Variants in PRKN observed in about 807,000 individuals in gnomAD.
The protein encoded by PRKN is E3 ubiquitin-protein ligase parkin.
In PRKN, 56 loss-of-function variants were observed where a neutral mutation model predicts 59.5. That is an observed-to-expected ratio of 0.94 (90% CI 0.76 to 1.18). The LOEUF is 1.18. PRKN is among the 50% of genes most tolerant of loss of function. The pLI is 0.00. For missense variants in PRKN, 657 were observed against 596.4 expected, an observed-to-expected ratio of 1.10 and a Z score of -1.06; for synonymous variants, 250 against 222.1, an observed-to-expected ratio of 1.13 and a Z score of -1.12.
intron 7 of PRKN, among the ~76,000 whole-genome samples, chr6:161,665,417 G>A (rs1485738961): frequency 6.6e-6 from 1 of 152,048 alleles, no homozygotes; most frequent in African/African-American, 2.4e-5. Flanking sequence ...CATGACTATT[G>A]CATAATGGTA....
At position 161,433,445 on chromosome 6, in the gene PRKN, C is replaced by T. The variant is rs187720177; in HGVS notation, c.1084-46568G>A. 5.1e-3 allele frequency among the ~76,000 whole-genome samples: 776 copies of T among 152,148 alleles called. 8 individuals are homozygous for T. Among genetic ancestry groups the T allele is most frequent in the African/African-American group, 0.018 (737 of 41,486 alleles). Reference sequence around the variant, plus strand: ...GGAAAAAATGTTAACCTCAGAACCTCGTTTTTAATTCTAGAAATTAAAAAT... The same window carrying T: ...GGAAAAAATGTTAACCTCAGAACCTTGTTTTTAATTCTAGAAATTAAAAAT... On this transcript the variant is annotated intron_variant, in intron 9 of 11. Transcript: ENST00000366898.
chr6:162,186,751 A>G (rs894632642), intron 4 of PRKN, among the ~76,000 whole-genome samples: 4 of 152,216 alleles, frequency 2.6e-5, no homozygotes, highest in Admixed American at 2.6e-4. Context: ...TTTGTTTAAA[A>G]GTGCGTAGCA....
chr6:162,661,780 A>G (rs1778892065), intron 1 of PRKN, among the ~76,000 whole-genome samples: 1 of 152,244 alleles, frequency 6.6e-6, no homozygotes, highest in South Asian at 2.1e-4. Flanking sequence ...AGGCACAGAG[A>G]AACAGTTAAA....
chr6:161,888,078 C>G (rs9365338), intron 6 of PRKN, among the ~76,000 whole-genome samples: 1 of 151,856 alleles, frequency 6.6e-6, no homozygotes, highest in Non-Finnish European at 1.5e-5. Context: ...GCAATAATGG[C>G]CCACCTTCTA....
At position 161,409,450 on chromosome 6, in the gene PRKN, C is replaced by T. The variant is rs1400808944; in HGVS notation, c.1084-22573G>A. 6.6e-6 allele frequency among the ~76,000 whole-genome samples: 1 copy of T among 152,098 alleles called. No homozygotes were observed. Among genetic ancestry groups the T allele is most frequent in the Non-Finnish European group, 1.5e-5 (1 of 68,022 alleles). On this transcript the variant is annotated intron_variant, in intron 9 of 11. Transcript: ENST00000366898. The surrounding 1 kb of genome is among the most constrained non-coding windows in gnomAD (Gnocchi z 4.6). ...AAAACGCAGTGTGCTGACACTAATA[C>T]ATAAAATGCGGAAGGACCCAGTCTT...
At chr6:162,188,781 T>G (rs1167411519) in intron 4 of PRKN, among the ~76,000 whole-genome samples, 3 of 148,952 alleles carry the variant, frequency 2.0e-5, no homozygotes, top group African/African-American at 7.7e-5. Flanking sequence ...AGATTTCGTT[T>G]TTTTTTTTTT....
chr6:161,726,242 T>C (rs1459069236), intron 7 of PRKN, among the ~76,000 whole-genome samples: 3 of 152,232 alleles, frequency 2.0e-5, no homozygotes, highest in Non-Finnish European at 2.9e-5. Flanking sequence ...AGATGTGTCA[T>C]ATCATTCAAT....
At chr6:161,648,910 CA>C (rs1562582642) in intron 7 of PRKN, among the ~76,000 whole-genome samples, 1 of 152,120 alleles carries the variant, frequency 6.6e-6, no homozygotes, top group Non-Finnish European at 1.5e-5. Context: ...AGGAATAAAG[CA>C]ATTAATTCAG....
Position 161,817,670 on chromosome 6 carries a change from C to T in PRKN, c.735-31762G>A, listed in dbSNP as rs139686754. ...CTGAAAAGTCTTAAATGTATCAATA[C>T]TTGTCATTGCATGTGGAAAATTTTA... is the stretch of plus-strand genomic sequence containing the variant. On this transcript the variant is annotated intron_variant, in intron 6 of 11. Transcript: ENST00000366898. Among the ~76,000 whole-genome samples, 979 of 152,012 alleles carry T rather than the reference C, an allele frequency of 6.4e-3. 6 individuals carry two copies. Among genetic ancestry groups the T allele is most frequent in the Non-Finnish European group, 0.01 (697 of 68,032 alleles).
chr6:161,728,103 G>A (rs146887633), intron 7 of PRKN, among the ~76,000 whole-genome samples: 90 of 152,132 alleles, frequency 5.9e-4, no homozygotes, highest in Middle Eastern at 3.4e-3. Flanking sequence ...AAAAATTAGC[G>A]CTTTGACAAT....
chr6:161,394,563 T>C (rs550997312), intron 9 of PRKN, among the ~76,000 whole-genome samples: 5 of 152,310 alleles, frequency 3.3e-5, no homozygotes, highest in African/African-American at 1.2e-4. Flanking sequence ...AAAATCCCCT[T>C]TTCTTACACC....
chr6:162,512,705 GT>G lies in PRKN; in HGVS notation c.8-69233del, dbSNP rs1777683401. On this transcript the variant is annotated intron_variant, in intron 1 of 11. Transcript: ENST00000366898. ...AAGTATGACTGGCTGCCTCTATGCTGTACTGTGATATTCGTGTGTGCTATCT... is the reference window on the plus strand; with the variant it reads ...AAGTATGACTGGCTGCCTCTATGCTGACTGTGATATTCGTGTGTGCTATCT... 5.3e-5 allele frequency among the ~76,000 whole-genome samples: 8 copies of G among 152,232 alleles called. No homozygotes were observed. The South Asian group carries it at 1.7e-3, about 32-fold the overall frequency.
At chr6:162,215,978 G>C (rs566221105) in intron 3 of PRKN, among the ~76,000 whole-genome samples, 34 of 152,184 alleles carry the variant, frequency 2.2e-4, no homozygotes, top group African/African-American at 8.2e-4. Flanking sequence ...GGACCCGGGA[G>C]GCAGAGGTAG....
chr6:161,371,343 AG>A lies in PRKN; in HGVS notation c.1168-11139del, dbSNP rs939272723. Reference sequence around the variant, plus strand: ...CCACACCCGGCTACTTGGGAGGCTGAGGGAGGAGACGGAGTTTCACCATGTT... The same window carrying A: ...CCACACCCGGCTACTTGGGAGGCTGAGGAGGAGACGGAGTTTCACCATGTT... On this transcript the variant is annotated intron_variant, in intron 10 of 11. Transcript: ENST00000366898. The surrounding 1 kb of genome is among the most constrained non-coding windows in gnomAD (Gnocchi z 5.5). Among the ~76,000 whole-genome samples, 1 of 151,636 alleles carries A rather than the reference AG, an allele frequency of 6.6e-6. No homozygotes were observed. The highest frequency in any genetic ancestry group is 1.5e-5 in the Non-Finnish European group (1 of 67,894).
At chr6:161,996,175 T>TAC (rs34527638) in intron 5 of PRKN, among the ~76,000 whole-genome samples, 82,202 of 149,894 alleles carry the variant, frequency 0.55, 22,378 homozygotes, top group Admixed American at 0.62. Flanking sequence ...ACGTGGTGTG[T>TAC]ACACACACAC....
intron 6 of PRKN, among the ~76,000 whole-genome samples, chr6:161,833,252 G>A (rs749466900): frequency 1.5e-4 from 23 of 152,110 alleles, no homozygotes; most frequent in Admixed American, 1.4e-3. Context: ...ATGGGGCACC[G>A]CCAGATACAG....
chr6:161,398,249 G>A (rs1175085804), intron 9 of PRKN, among the ~76,000 whole-genome samples: 1 of 152,142 alleles, frequency 6.6e-6, no homozygotes, highest in East Asian at 1.9e-4. Flanking sequence ...CACAGATAGA[G>A]AGGAGGCTGA....
chr6:161,912,499 G>A (rs1778402132), intron 6 of PRKN, among the ~76,000 whole-genome samples: 1 of 151,676 alleles, frequency 6.6e-6, no homozygotes, highest in Admixed American at 6.6e-5. Context: ...TTGGCCTCAG[G>A]AGTGCTGGTA....
intron 6 of PRKN, among the ~76,000 whole-genome samples, chr6:161,972,142 C>T (rs964593492): frequency 1.1e-4 from 17 of 152,004 alleles, no homozygotes; most frequent in South Asian, 2.1e-4. Flanking sequence ...GGTGTGGTGG[C>T]GCATGCCTGT....
Sources: allele counts gnomAD v4.1 joint callset (sites outside exome capture counted in the v4.1 genomes callset), GRCh38; gene constraint gnomAD v4.1.1; non-coding constraint Gnocchi (gnomAD v3.1); transcripts MANE v1.5; gene names NCBI Gene and HGNC (gene_info 2026-07-23, HGNC 2026-07-21).